PVT1: variants seen among roughly 807,000 people sequenced by gnomAD.
PVT1 encodes the protein Pvt1 oncogene.
At chr8:127,954,092 C>T (rs749869842) in intron 3 of PVT1, among the ~76,000 whole-genome samples, 2 of 152,114 alleles carry the variant, frequency 1.3e-5, no homozygotes, top group Non-Finnish European at 2.9e-5. Context: ...GACATTGCTC[C>T]AAGAAAAAAC....
intron 2 of PVT1, among the ~76,000 whole-genome samples, chr8:127,877,042 A>T (rs1815413175): frequency 6.6e-6 from 1 of 152,184 alleles, no homozygotes; most frequent in Admixed American, 6.5e-5. Context: ...GGTGGTGCTT[A>T]TGGGATGTAT....
rs571030321 is a variant in PVT1, at chr8:128,024,705, TAAC to T, written n.912+35426_912+35428del. Among the ~76,000 whole-genome samples, 7 of 152,192 alleles carry T rather than the reference TAAC, an allele frequency of 4.6e-5. No individual in the cohort carries two copies. The South Asian group carries it at 8.3e-4, about 18-fold the overall frequency. On this transcript the variant is annotated intron_variant and non_coding_transcript_variant, in intron 4 of 10. Transcript: ENST00000651587. Reference sequence around the variant, plus strand: ...GCACCTTAAAAGAAGCACTATGGTTTAACAACAACAACAAAAGACACACCAGGG... The same window carrying T: ...GCACCTTAAAAGAAGCACTATGGTTTAACAACAACAAAAGACACACCAGGG...
chr8:128,066,086 G>A (rs2080636), intron 4 of PVT1, among the ~76,000 whole-genome samples: 12,370 of 152,300 alleles, frequency 0.081, 797 homozygotes, highest in Admixed American at 0.21. Context: ...GCTGGGTGCA[G>A]AGCATGCCAT....
rs188044562 is a variant in PVT1, at chr8:127,964,916, C to T, written n.783-24246C>T. On this transcript the variant is annotated intron_variant and non_coding_transcript_variant, in intron 3 of 10. Transcript: ENST00000651587. ...GCTCAAGCCATTGTACTGCCTCAGC[C>T]TCCCACAGCATGGGATTACAGGCGT... is the stretch of plus-strand genomic sequence containing the variant. Among the ~76,000 whole-genome samples, 20 of 152,348 alleles carry T rather than the reference C, an allele frequency of 1.3e-4. No homozygotes were observed. In the East Asian group the frequency reaches 3.9e-3, roughly 29 times the overall value.
intron 2 of PVT1, among the ~76,000 whole-genome samples, chr8:127,842,880 CCT>C (rs1160656832): frequency 6.6e-6 from 1 of 152,264 alleles, no homozygotes; most frequent in Non-Finnish European, 1.5e-5. Context: ...TAACAGATTG[CCT>C]AGTACCCAAC....
intron 4 of PVT1, among the ~76,000 whole-genome samples, chr8:128,011,101 G>A (rs981322329): frequency 2.6e-5 from 4 of 152,132 alleles, no homozygotes; most frequent in African/African-American, 4.8e-5. Context: ...AAGGTGCGGG[G>A]ACCTCTAAAA....
intron 3 of PVT1, among the ~76,000 whole-genome samples, chr8:127,915,612 C>CAAAAAAA (rs61238663): frequency 4.2e-4 from 27 of 64,460 alleles, no homozygotes; most frequent in African/African-American, 1.4e-3. Context: ...AACTCCATCT[C>CAAAAAAA]AAAAAAAAAA....
intron 2 of PVT1, among the ~76,000 whole-genome samples, chr8:127,874,052 G>A (rs958442600): frequency 4.6e-5 from 7 of 152,224 alleles, no homozygotes; most frequent in African/African-American, 1.7e-4. Context: ...CTTTGTGTAA[G>A]ACACTCAAGG....
intron 2 of PVT1, among the ~76,000 whole-genome samples, chr8:127,842,660 A>G (rs1814986020): frequency 6.6e-6 from 1 of 152,182 alleles, no homozygotes; most frequent in Non-Finnish European, 1.5e-5. Flanking sequence ...TTGGAGGGTC[A>G]TCTGTCCACT....
intron 3 of PVT1, among the ~76,000 whole-genome samples, chr8:127,965,558 C>A (rs1476407192): frequency 2.6e-5 from 4 of 151,910 alleles, no homozygotes; most frequent in African/African-American, 9.7e-5. Flanking sequence ...CTGTTCACCC[C>A]CCATTTAAAG....
Position 128,064,772 on chromosome 8 carries a change from T to C in PVT1, n.913-5388T>C, listed in dbSNP as rs558900003. ...CAAAACTGCAAAATAGAAATAGTTA[T>C]ACTGTATGTTTTATAGAACTTTATG... On this transcript the variant is annotated intron_variant and non_coding_transcript_variant, in intron 4 of 10. Transcript: ENST00000651587. Among the ~76,000 whole-genome samples the C allele has an allele frequency of 1.4e-4, 22 of 152,386 alleles. No individual in the cohort carries two copies. The South Asian group carries it at 4.1e-3, about 29-fold the overall frequency.
chr8:128,098,566 C>T (rs1176568736), intron 6 of PVT1, among the ~76,000 whole-genome samples: 1 of 152,196 alleles, frequency 6.6e-6, no homozygotes, highest in African/African-American at 2.4e-5. Flanking sequence ...GGTTGTGTGA[C>T]CTTGCACAGG....
At chr8:128,044,410 T>C (rs1813587466) in intron 4 of PVT1, among the ~76,000 whole-genome samples, 1 of 152,200 alleles carries the variant, frequency 6.6e-6, no homozygotes, top group African/African-American at 2.4e-5. Context: ...CTACTAAATA[T>C]TTGTTAAATG....
At chr8:127,977,776 T>C (rs909344531) in intron 3 of PVT1, among the ~76,000 whole-genome samples, 4 of 152,176 alleles carry the variant, frequency 2.6e-5, no homozygotes, top group African/African-American at 9.7e-5. Context: ...CTTGCATTAC[T>C]AGCTGTCACC....
intron 3 of PVT1, chr8:127,932,315 C>T (rs1326142122): frequency 1.5e-5 from 6 of 398,192 alleles, no homozygotes; most frequent in Non-Finnish European, 2.7e-5. Context: ...TAGGTTTGAT[C>T]TCCCTCCCTT....
rs577450262 is a variant in PVT1 at position 128,034,000 on chromosome 8, G to A, written n.913-36160G>A. Reference sequence around the variant, plus strand: ...AGGCTGGGCAACCATCTGCCTTGCCGGCCACCTCCCCAGCCCTGCCGAGCT... The same window carrying A: ...AGGCTGGGCAACCATCTGCCTTGCCAGCCACCTCCCCAGCCCTGCCGAGCT... On this transcript the variant is annotated intron_variant and non_coding_transcript_variant, in intron 4 of 10. Transcript: ENST00000651587. Among the ~76,000 whole-genome samples, 5 of 151,994 alleles carry A rather than the reference G, an allele frequency of 3.3e-5. No homozygotes were observed. In the South Asian group the frequency reaches 8.3e-4, roughly 25 times the overall value.
intron 2 of PVT1, among the ~76,000 whole-genome samples, chr8:127,864,177 A>C (rs947382057): frequency 6.6e-6 from 1 of 152,152 alleles, no homozygotes; most frequent in African/African-American, 2.4e-5. Flanking sequence ...GGGGCAGGAA[A>C]GAAAGGTTAC....
chr8:127,965,348 G>GT (rs1313392790), intron 3 of PVT1, among the ~76,000 whole-genome samples: 1 of 152,174 alleles, frequency 6.6e-6, no homozygotes, highest in Non-Finnish European at 1.5e-5. Flanking sequence ...CTCACAGCCA[G>GT]TTGGCAGATT....
chr8:128,067,228 G>A (rs1813921607), intron 4 of PVT1, among the ~76,000 whole-genome samples: 1 of 152,190 alleles, frequency 6.6e-6, no homozygotes, highest in Non-Finnish European at 1.5e-5. Flanking sequence ...AATGGCCTGG[G>A]TTTTGCAATT....
Sources: allele counts gnomAD v4.1 joint callset (sites outside exome capture counted in the v4.1 genomes callset), GRCh38; gene constraint gnomAD v4.1.1; transcripts MANE v1.5; gene names NCBI Gene and HGNC (gene_info 2026-07-23, HGNC 2026-07-21).